The following ODAD2 variants were observed in gnomAD, a reference collection of about 807,000 sequenced individuals.
The protein encoded by ODAD2 is outer dynein arm docking complex subunit 2, also known as outer dynein arm-docking complex subunit 2.
A neutral mutation model predicts 106.8 loss-of-function variants in ODAD2; 89 were observed. The observed-to-expected ratio is 0.83, with a 90% CI of 0.70 to 0.99. The LOEUF (loss-of-function observed/expected upper bound fraction) is 0.99. Among genes scored for constraint, ODAD2 ranks in the 50% least tolerant of loss-of-function variants. The probability of loss-of-function intolerance (pLI) is 0.00; values close to 1 mark genes in which losing one functional copy is unlikely to be tolerated. For missense variants in ODAD2, 1,168 were observed against 1,238.5 expected, an observed-to-expected ratio of 0.94 and a Z score of 0.85; for synonymous variants, 404 against 436.2, an observed-to-expected ratio of 0.93 and a Z score of 0.92.
At chr10:27,821,896 C>T (rs1304793434) in intron 19 of ODAD2, among the ~76,000 whole-genome samples, 1 of 152,204 alleles carries the variant, frequency 6.6e-6, no homozygotes, top group African/African-American at 2.4e-5. Flanking sequence ...CCCTAAAACA[C>T]ACCTAAAGAC....
At chr10:27,985,822 A>G (rs1188926296) in intron 3 of ODAD2, among the ~76,000 whole-genome samples, 1 of 150,992 alleles carries the variant, frequency 6.6e-6, no homozygotes, top group Non-Finnish European at 1.5e-5. Context: ...AATTATAGTG[A>G]AAAACAAATA....
intron 7 of ODAD2, among the ~76,000 whole-genome samples, chr10:27,972,971 G>GA (rs1169842048): frequency 4.6e-5 from 7 of 151,740 alleles, no homozygotes; most frequent in Admixed American, 4.6e-4. Context: ...AATGTACAAG[G>GA]AAAAAAATCA....
chr10:27,983,498 T>C (rs1437076978), intron 6 of ODAD2, among the ~76,000 whole-genome samples: 1 of 152,242 alleles, frequency 6.6e-6, no homozygotes, highest in African/African-American at 2.4e-5. Flanking sequence ...CAAGCTGCAG[T>C]TATGACATCT....
At chr10:27,857,418 G>A (rs964052012) in intron 19 of ODAD2, among the ~76,000 whole-genome samples, 21 of 152,108 alleles carry the variant, frequency 1.4e-4, no homozygotes, top group African/African-American at 5.1e-4. Context: ...AGTTATATGT[G>A]GATTTTGACA....
chr10:27,860,534 C>A (rs1174368281), intron 19 of ODAD2, 91 bp downstream of exon 19: 3 of 1,216,024 alleles, frequency 2.5e-6, no homozygotes, highest in African/African-American at 1.5e-5. Context: ...TCTCTGAATA[C>A]CTCCTTTAGA....
intron 19 of ODAD2, among the ~76,000 whole-genome samples, chr10:27,835,746 G>A (rs1055357850): frequency 4.6e-5 from 7 of 152,008 alleles, no homozygotes; most frequent in Admixed American, 1.3e-4. Flanking sequence ...CCAACATGGC[G>A]AAACACTGTC....
intron 19 of ODAD2, among the ~76,000 whole-genome samples, chr10:27,851,535 T>C (rs531787668): frequency 4.2e-4 from 64 of 152,030 alleles, no homozygotes; most frequent in African/African-American, 1.4e-3. Flanking sequence ...GTCGATAGTA[T>C]TGCAGATGTA....
At chr10:27,841,016 T>A (rs1589797766) in intron 19 of ODAD2, among the ~76,000 whole-genome samples, 2 of 152,192 alleles carry the variant, frequency 1.3e-5, no homozygotes, top group Non-Finnish European at 2.9e-5. Context: ...GGGTGAATGC[T>A]CAGTAATTGA....
At chr10:27,845,859 A>G (rs1182630202) in intron 19 of ODAD2, among the ~76,000 whole-genome samples, 1 of 152,240 alleles carries the variant, frequency 6.6e-6, no homozygotes, top group Non-Finnish European at 1.5e-5. Flanking sequence ...GATCAATTCA[A>G]CAAGAAGAGC....
chr10:27,969,424 G>A (rs1197989764), intron 8 of ODAD2, among the ~76,000 whole-genome samples: 1 of 152,296 alleles, frequency 6.6e-6, no homozygotes, highest in Non-Finnish European at 1.5e-5. Context: ...TTGGCATTCT[G>A]TGTTCTCCCT....
Position 27,885,648 on chromosome 10 carries a change from T to A in ODAD2, c.2610+22015A>T, listed in dbSNP as rs373401168. Among the ~76,000 whole-genome samples the A allele has an allele frequency of 1.5e-3, 45 of 30,998 alleles. 1 individual carries two copies. Among genetic ancestry groups the A allele is most frequent in the Non-Finnish European group, 2.5e-3 (38 of 15,344 alleles). The allele number at this position is 30,998 out of a possible 152,430, so 20.3% of individuals were successfully genotyped here. On this transcript the variant is annotated intron_variant, in intron 17 of 19. Transcript: ENST00000305242. ...ATATATAAAATATATATTATATATA[T>A]TATATATAATATATTATATATAAAA...
intron 19 of ODAD2, among the ~76,000 whole-genome samples, chr10:27,852,659 G>A (rs1273809714): frequency 6.6e-6 from 1 of 152,092 alleles, no homozygotes; most frequent in Admixed American, 6.6e-5. Context: ...TAACAAGATG[G>A]TACATTTAAA....
At chr10:27,952,353 A>G (rs903977902) in intron 10 of ODAD2, among the ~76,000 whole-genome samples, 3 of 152,078 alleles carry the variant, frequency 2.0e-5, no homozygotes, top group Non-Finnish European at 2.9e-5. Flanking sequence ...AGAATTTACA[A>G]CAATGGATTC....
intron 17 of ODAD2, among the ~76,000 whole-genome samples, chr10:27,870,439 T>G (rs1005656619): frequency 6.6e-6 from 1 of 152,150 alleles, no homozygotes; most frequent in African/African-American, 2.4e-5. Flanking sequence ...TGTGCCATGT[T>G]GGTGTGCTGC....
At chr10:27,890,125 G>A (rs1842465020) in intron 17 of ODAD2, among the ~76,000 whole-genome samples, 1 of 152,192 alleles carries the variant, frequency 6.6e-6, no homozygotes, top group Admixed American at 6.6e-5. Flanking sequence ...TGAGGGAACC[G>A]AAGATAGCAA....
intron 19 of ODAD2, among the ~76,000 whole-genome samples, chr10:27,830,929 T>C (rs571576863): frequency 1.4e-4 from 21 of 152,240 alleles, no homozygotes; most frequent in Non-Finnish European, 2.4e-4. Context: ...CTCTAGTACA[T>C]CTTTTGGATA....
At chr10:27,988,006 A>T (rs947055193) in intron 2 of ODAD2, among the ~76,000 whole-genome samples, 2 of 150,396 alleles carry the variant, frequency 1.3e-5, no homozygotes, top group Admixed American at 6.7e-5. Context: ...GAACAAAAAA[A>T]CTATGAAAAA....
At chr10:27,909,817 G>GAAAAAA (rs35449629) in intron 16 of ODAD2, among the ~76,000 whole-genome samples, 10 of 56,376 alleles carry the variant, frequency 1.8e-4, no homozygotes, top group South Asian at 7.4e-4. Flanking sequence ...GTCTTCATTT[G>GAAAAAA]AAAAAAAAAA....
At chr10:27,831,065 G>C (rs1021812880) in intron 19 of ODAD2, among the ~76,000 whole-genome samples, 4 of 152,108 alleles carry the variant, frequency 2.6e-5, no homozygotes, top group Admixed American at 6.5e-5. Flanking sequence ...AGTGGATGGG[G>C]GAGGGAAGAG....
Sources: gnomAD v4.1 joint callset for allele counts (sites outside exome capture counted in the v4.1 genomes callset) on GRCh38, gnomAD v4.1.1 for gene constraint, MANE v1.5 for transcripts, NCBI Gene and HGNC (gene_info 2026-07-23, HGNC 2026-07-21) for gene names.